The following AKAP12 variants were observed in gnomAD, a reference collection of about 807,000 sequenced individuals.
AKAP12 encodes the protein A-kinase anchor protein 12.
AKAP12 carries 32 observed loss-of-function variants against 79.9 expected under a neutral mutation model. The ratio of observed to expected loss-of-function variants is 0.40; its 90% CI spans 0.30 to 0.54. The LOEUF is 0.54. AKAP12 is among the 20% of genes least tolerant of loss of function. The pLI is 0.48. For synonymous variants in AKAP12, 808 were observed against 857.0 expected (o/e 0.94, Z 1.00); for missense variants, 2,074 against 2,177.0 (o/e 0.95, Z 0.94).
intron 3 of AKAP12, among the ~76,000 whole-genome samples, chr6:151,316,629 C>A (rs941511129): frequency 1.3e-5 from 2 of 152,040 alleles, no homozygotes; most frequent in African/African-American, 4.8e-5. Flanking sequence ...GTCCAAATTT[C>A]CTGTTCTTAT....
chr6:151,246,768 T>C (rs1797083016), intron 2 of AKAP12, among the ~76,000 whole-genome samples: 1 of 152,192 alleles, frequency 6.6e-6, no homozygotes, highest in South Asian at 2.1e-4. Flanking sequence ...ATTTTATTTA[T>C]TTATTGTTTT....
At chr6:151,248,957 A>G (rs1019071162) in intron 2 of AKAP12, among the ~76,000 whole-genome samples, 7 of 152,088 alleles carry the variant, frequency 4.6e-5, no homozygotes, top group Admixed American at 2.0e-4. Flanking sequence ...ATTGCACTCC[A>G]GCCTGGGCGA....
chr6:151,320,307 A>C (rs769594719), intron 3 of AKAP12, among the ~76,000 whole-genome samples: 1 of 151,346 alleles, frequency 6.6e-6, no homozygotes, highest in African/African-American at 2.4e-5. Context: ...TTTTATAGAG[A>C]TGGGATCTTG....
At chr6:151,251,998 C>T (rs1797186924) in intron 2 of AKAP12, among the ~76,000 whole-genome samples, 1 of 151,944 alleles carries the variant, frequency 6.6e-6, no homozygotes, top group Non-Finnish European at 1.5e-5. Context: ...GAGACTCTGC[C>T]TCAATAAACA....
chr6:151,351,363 C>G lies in AKAP12; in HGVS notation c.2972C>G (p.Thr991Ser), dbSNP rs1457840030. The change falls in exon 4 of 5, where the codon ACC becomes AGC. Residue 991 changes from threonine (T) to serine (S), a missense_variant. Physicochemically the swap from Thr to Ser is moderately conservative, Grantham distance 58. Coordinates refer to ENST00000402676, the MANE Select transcript of AKAP12 (RefSeq NM_005100.4). This position sits in a 1 kb window ranked among gnomAD's most constrained non-coding sequence, Gnocchi z 4.4. ...GGGCCATTGGGTGCCGAAGAAGGAA[C>G]CGAAGCATCTGCTGCTGAAGAGACC... is the stretch of plus-strand genomic sequence containing the variant. ...TAGPLGAEEG[T>S]EASAAEETTE... 10 of 1,614,202 alleles carry G rather than the reference C, an allele frequency of 6.2e-6. No individual in the cohort carries two copies. The highest frequency in any genetic ancestry group is 8.5e-6 in the Non-Finnish European group (10 of 1,180,036).
At chr6:151,250,592 A>C (rs1417073324) in intron 2 of AKAP12, among the ~76,000 whole-genome samples, 1 of 151,988 alleles carries the variant, frequency 6.6e-6, no homozygotes, top group East Asian at 1.9e-4. Flanking sequence ...AGCATTCATT[A>C]AAAATGGTCA....
chr6:151,350,887 G>A lies in AKAP12; in HGVS notation c.2496G>A (p.Gly832=), dbSNP rs1404800358. 2 of 1,614,076 alleles carry A rather than the reference G, an allele frequency of 1.2e-6. No individual in the cohort carries two copies. The highest frequency in any genetic ancestry group is 2.2e-5 in the East Asian group (1 of 44,866). The change falls in exon 4 of 5, where the codon GGG becomes GGA. Residue 832 remains glycine (G), a synonymous_variant. Transcript: ENST00000402676. The surrounding 1 kb of genome is among the most constrained non-coding windows in gnomAD (Gnocchi z 4.8). The part of the protein sequence containing the change: ...KQEQAPVEDA[G]PTGANEDDSD... The stretch of plus-strand genomic sequence containing the variant: ...AACAAGCCCCTGTTGAAGACGCAGG[G>A]CCAACAGGGGCCAACGAAGATGACT...
At chr6:151,264,595 C>T (rs1039885104) in intron 2 of AKAP12, among the ~76,000 whole-genome samples, 5 of 150,476 alleles carry the variant, frequency 3.3e-5, no homozygotes, top group East Asian at 2.0e-4. Context: ...CGCTTGAACC[C>T]GGGAGGCAGA....
Position 151,351,808 on chromosome 6 carries a change from T to C in AKAP12, c.3417T>C (p.Cys1139=). The C allele has an allele frequency of 6.2e-7, 1 of 1,613,904 alleles. No homozygotes were observed. The highest frequency in any genetic ancestry group is 2.2e-5 in the East Asian group (1 of 44,850). The change falls in exon 4 of 5, where the codon TGT becomes TGC. Residue 1139 remains cysteine, a synonymous_variant. Coordinates refer to ENST00000402676, the MANE Select transcript of AKAP12 (RefSeq NM_005100.4). The surrounding 1 kb of genome is among the most constrained non-coding windows in gnomAD (Gnocchi z 4.4). Reference sequence around the variant, plus strand: ...AGTCCAGTGAGCTTGTAACCACTTGTCAAGCCGAAACCTTAGCTGGGGTAA... The same window carrying C: ...AGTCCAGTGAGCTTGTAACCACTTGCCAAGCCGAAACCTTAGCTGGGGTAA... ...SIESSELVTT[C]QAETLAGVKS... is the part of the protein sequence containing the mutation.
At chr6:151,329,720 TG>T (rs2114791829) in intron 3 of AKAP12, among the ~76,000 whole-genome samples, 1 of 152,366 alleles carries the variant, frequency 6.6e-6, no homozygotes, top group Non-Finnish European at 1.5e-5. Flanking sequence ...CTTTCACAAC[TG>T]CTGGATTAAT....
At chr6:151,324,286 T>C in intron 3 of AKAP12, 1 of 985,340 alleles carries the variant, frequency 1.0e-6, no homozygotes, top group Non-Finnish European at 1.2e-6. Flanking sequence ...AGGCCGGGTA[T>C]TTGCCAGGAT....
chr6:151,288,512 A>AACAG (rs1032012049), intron 2 of AKAP12, among the ~76,000 whole-genome samples: 3 of 152,096 alleles, frequency 2.0e-5, no homozygotes, highest in Admixed American at 1.3e-4. Context: ...ACATCGTCTC[A>AACAG]AAAGAAAGAA....
intron 3 of AKAP12, among the ~76,000 whole-genome samples, chr6:151,336,994 A>T (rs1040185144): frequency 1.3e-5 from 2 of 151,550 alleles, no homozygotes; most frequent in African/African-American, 4.9e-5. Context: ...CTCTGCCTGA[A>T]TTTTTTTTCT....
Position 151,353,397 on chromosome 6 carries a change from G to A in AKAP12, c.5006G>A (p.Gly1669Glu). 6.2e-7 allele frequency: 1 copy of A among 1,614,198 alleles called. No individual in the cohort carries two copies. Among genetic ancestry groups the A allele is most frequent in the Non-Finnish European group, 8.5e-7 (1 of 1,180,026 alleles). The change falls in exon 4 of 5, where the codon GGA becomes GAA. Residue 1669 changes from glycine (G) to glutamate (E), a missense_variant. Physicochemically the swap from Gly to Glu is moderately conservative, Grantham distance 98 (BLOSUM62 -2). This residue lies in a region of AKAP12 where 614 missense variants were observed against 665.6 expected (regional missense o/e 0.92). Coordinates refer to ENST00000402676, the MANE Select transcript of AKAP12 (RefSeq NM_005100.4). The stretch of plus-strand genomic sequence containing the variant: ...CTCCCATCTGAGGAAGAGGGAGGTG[G>A]AGCTGGAACAAAGTCTGTGCCAGAA... ...VVLPSEEEGG[G>E]AGTKSVPEDD...
chr6:151,317,625 T>G (rs558142603), intron 3 of AKAP12, among the ~76,000 whole-genome samples: 59 of 152,306 alleles, frequency 3.9e-4, no homozygotes, highest in Non-Finnish European at 6.0e-4. Flanking sequence ...AGCCAAATAT[T>G]ATATACTGAA....
intron 2 of AKAP12, among the ~76,000 whole-genome samples, chr6:151,241,282 G>GCA (rs1796970455): frequency 6.6e-6 from 1 of 152,244 alleles, no homozygotes; most frequent in African/African-American, 2.4e-5. Flanking sequence ...GCCCGAGCAG[G>GCA]CACCGCCTTC....
chr6:151,284,885 C>G (rs902204879), intron 2 of AKAP12, among the ~76,000 whole-genome samples: 16 of 152,132 alleles, frequency 1.1e-4, no homozygotes, highest in African/African-American at 3.9e-4. Context: ...AGGGATTAAT[C>G]AAATGTTGAC....
chr6:151,240,402 T>G lies in AKAP12; in HGVS notation c.-161T>G. 1 of 657,094 alleles carries G rather than the reference T, an allele frequency of 1.5e-6. No individual in the cohort carries two copies. The allele number at this position is 657,094 out of a possible 1,614,324, so 40.7% of individuals were successfully genotyped here. On this transcript the variant is annotated 5_prime_UTR_variant, in exon 2 of 5. Coordinates refer to ENST00000402676, the MANE Select transcript of AKAP12 (RefSeq NM_005100.4). Reference sequence around the variant, plus strand: ...TTTTAAGGAGTTTGCCGCGAGCGCGTCTCCTTCATTCGCAGGCTGGGCGCG... The same window carrying G: ...TTTTAAGGAGTTTGCCGCGAGCGCGGCTCCTTCATTCGCAGGCTGGGCGCG...
Position 151,240,452 on chromosome 6 carries a change from A to T in AKAP12, c.-111A>T. ...GTTCGCAGTCGGCTGGCGGCGAAGG[A>T]AGGCGCTCTCGGGACCTCGCGGGCG... On this transcript the variant is annotated 5_prime_UTR_variant, in exon 2 of 5. Coordinates refer to ENST00000402676, the MANE Select transcript of AKAP12 (RefSeq NM_005100.4). 1 of 1,201,706 alleles carries T rather than the reference A, an allele frequency of 8.3e-7. No homozygotes were observed. The highest frequency in any genetic ancestry group is 1.1e-6 in the Non-Finnish European group (1 of 941,994). The allele number at this position is 1,201,706 out of a possible 1,614,324, so 74.4% of individuals were successfully genotyped here. A position where few individuals can be genotyped will look rare whatever the true frequency, so the allele number is the denominator to read the frequency against.
Sources: gnomAD v4.1 joint callset for allele counts (sites outside exome capture counted in the v4.1 genomes callset) on GRCh38, gnomAD v4.1.1 for gene constraint, gnomAD v4.1.1 regional missense constraint, Gnocchi (gnomAD v3.1) non-coding constraint, MANE v1.5 for transcripts, NCBI Gene and HGNC (gene_info 2026-07-23, HGNC 2026-07-21) for gene names.